Variants in EPHB1 observed in about 807,000 individuals in gnomAD.
The protein encoded by EPHB1 is EPH receptor B1.
EPHB1 carries 30 observed loss-of-function variants against 94.4 expected under a neutral mutation model. The ratio of observed to expected loss-of-function variants is 0.32; its 90% CI spans 0.24 to 0.43. The LOEUF (loss-of-function observed/expected upper bound fraction) is 0.43. Among genes scored for constraint, EPHB1 ranks in the 20% least tolerant of loss-of-function variants. The probability of loss-of-function intolerance (pLI) is 1.00; values close to 1 mark genes in which losing one functional copy is unlikely to be tolerated. For synonymous variants in EPHB1, 522 were observed against 489.1 expected (o/e 1.07, Z -0.89); for missense variants, 1,055 against 1,308.3 (o/e 0.81, Z 2.99).
intron 3 of EPHB1, among the ~76,000 whole-genome samples, chr3:134,967,960 C>T (rs1036299582): frequency 6.6e-6 from 1 of 152,294 alleles, no homozygotes; most frequent in Non-Finnish European, 1.5e-5. Flanking sequence ...TTCCCTGAAC[C>T]CTCAGTGCAG....
intron 3 of EPHB1, among the ~76,000 whole-genome samples, chr3:135,098,165 G>T (rs1938877971): frequency 6.6e-6 from 1 of 152,134 alleles, no homozygotes; most frequent in South Asian, 2.1e-4. Context: ...GGAATTGGAG[G>T]TTGTCATTCA....
intron 4 of EPHB1, among the ~76,000 whole-genome samples, chr3:135,111,688 C>CT (rs1347128989): frequency 4.1e-4 from 62 of 151,986 alleles, no homozygotes; most frequent in African/African-American, 1.3e-3. Flanking sequence ...CATTTTCACT[C>CT]TTTTTTTTTG....
chr3:134,873,167 AAAGG>A (rs1377667122), intron 1 of EPHB1, among the ~76,000 whole-genome samples: 1 of 152,214 alleles, frequency 6.6e-6, no homozygotes, highest in African/African-American at 2.4e-5. Flanking sequence ...CAAGAGAGAA[AAAGG>A]AAGGAGGGAG....
Position 135,254,629 on chromosome 3 carries a change from A to C in EPHB1, c.2847-4383A>C, listed in dbSNP as rs1334679912. Among the ~76,000 whole-genome samples the C allele has an allele frequency of 4.6e-5, 7 of 152,288 alleles. No homozygotes were observed. In the East Asian group the frequency reaches 1.4e-3, roughly 29 times the overall value. ...GATTCGGTTTGCCAGTATTTTATTG[A>C]AGATTTTAGCATCAATGTTCATCAG... On this transcript the variant is annotated intron_variant, in intron 15 of 15. Transcript: ENST00000398015.
chr3:135,071,205 C>T (rs1390548388), intron 3 of EPHB1, among the ~76,000 whole-genome samples: 3 of 152,210 alleles, frequency 2.0e-5, no homozygotes, highest in African/African-American at 7.2e-5. Context: ...ACTAAGGAGA[C>T]CCAGGTTCCA....
chr3:134,827,573 G>A (rs1487978545), intron 1 of EPHB1, among the ~76,000 whole-genome samples: 1 of 152,338 alleles, frequency 6.6e-6, no homozygotes, highest in Non-Finnish European at 1.5e-5. Flanking sequence ...CAGAAACAGG[G>A]AGACTAATTT....
chr3:134,833,373 T>C (rs1348174720), intron 1 of EPHB1, among the ~76,000 whole-genome samples: 3 of 152,178 alleles, frequency 2.0e-5, no homozygotes, highest in Non-Finnish European at 2.9e-5. Context: ...TGTGAGTGGG[T>C]GAGCTGTGTC....
At chr3:134,836,632 T>G (rs1238571737) in intron 1 of EPHB1, among the ~76,000 whole-genome samples, 1 of 152,234 alleles carries the variant, frequency 6.6e-6, no homozygotes, top group Admixed American at 6.5e-5. Flanking sequence ...ATATTATGAA[T>G]ATTTACATTC....
At chr3:134,983,094 G>T (rs1934468245) in intron 3 of EPHB1, among the ~76,000 whole-genome samples, 1 of 152,198 alleles carries the variant, frequency 6.6e-6, no homozygotes, top group African/African-American at 2.4e-5. Flanking sequence ...CTAGATTCAT[G>T]TAATAATGCA....
chr3:135,083,497 G>T (rs923639876), intron 3 of EPHB1, among the ~76,000 whole-genome samples: 1 of 151,990 alleles, frequency 6.6e-6, no homozygotes, highest in Non-Finnish European at 1.5e-5. Context: ...CACAGGAAAA[G>T]TCCAATAGAC....
intron 3 of EPHB1, among the ~76,000 whole-genome samples, chr3:135,066,609 A>AT (rs1290186501): frequency 6.6e-6 from 1 of 151,786 alleles, no homozygotes; most frequent in Non-Finnish European, 1.5e-5. Flanking sequence ...TTCTTGTATC[A>AT]TTTTTTGGAT....
chr3:134,849,025 G>A (rs769418527), intron 1 of EPHB1, among the ~76,000 whole-genome samples: 6 of 152,240 alleles, frequency 3.9e-5, no homozygotes, highest in Admixed American at 6.5e-5. Context: ...CGCACAAGGC[G>A]GGAGCCTGAG....
intron 3 of EPHB1, among the ~76,000 whole-genome samples, chr3:135,051,780 C>CT (rs1937176329): frequency 6.6e-6 from 1 of 152,112 alleles, no homozygotes; most frequent in Admixed American, 6.5e-5. Flanking sequence ...GGAAGTTAAA[C>CT]GGCAGAGAAG....
At chr3:135,000,407 G>A (rs564342193) in intron 3 of EPHB1, among the ~76,000 whole-genome samples, 10 of 152,306 alleles carry the variant, frequency 6.6e-5, no homozygotes, top group Admixed American at 6.5e-4. Flanking sequence ...ATCATTCCAT[G>A]GGGGAAATAG....
chr3:134,857,082 G>A (rs566039190), intron 1 of EPHB1, among the ~76,000 whole-genome samples: 122 of 152,304 alleles, frequency 8.0e-4, no homozygotes, highest in Non-Finnish European at 1.0e-3. Flanking sequence ...GTGGGGTGTC[G>A]TGGAAAGGGC....
At chr3:134,910,053 C>A (rs1316974801) in intron 1 of EPHB1, among the ~76,000 whole-genome samples, 1 of 152,216 alleles carries the variant, frequency 6.6e-6, no homozygotes. Flanking sequence ...GGCCTCTCTT[C>A]AGTCTCAGTT....
chr3:135,011,073 C>T (rs1935603332), intron 3 of EPHB1, among the ~76,000 whole-genome samples: 1 of 152,182 alleles, frequency 6.6e-6, no homozygotes, highest in Non-Finnish European at 1.5e-5. Context: ...TTTGAGAATG[C>T]TTGAATCTTC....
chr3:135,033,123 C>T (rs946672172), intron 3 of EPHB1, among the ~76,000 whole-genome samples: 1 of 152,170 alleles, frequency 6.6e-6, no homozygotes, highest in African/African-American at 2.4e-5. Context: ...GCAGTGACCA[C>T]CGTAATAACT....
In EPHB1 at chr3:134,951,931, C is replaced by T. The variant is rs201770786; in HGVS notation, c.684C>T (p.Asn228=). 601 of 1,613,910 alleles carry T rather than the reference C, an allele frequency of 3.7e-4. 2 individuals carry two copies. The highest frequency in any genetic ancestry group is 4.7e-4 in the Non-Finnish European group (553 of 1,179,910). ...TTGCTCGGGGCACATGCATCCCCAA[C>T]GCAGAGGAAGTGGACGTGCCCATCA... The part of the protein sequence containing the change: ...LVIARGTCIP[N]AEEVDVPIKL... The change falls in exon 3 of 16, where the codon AAC becomes AAT. Residue 228 remains asparagine (N), a synonymous_variant. Transcript: ENST00000398015. The surrounding 1 kb of genome is among the most constrained non-coding windows in gnomAD (Gnocchi z 4.5).
Sources: allele counts gnomAD v4.1 joint callset (sites outside exome capture counted in the v4.1 genomes callset), GRCh38; gene constraint gnomAD v4.1.1; non-coding constraint Gnocchi (gnomAD v3.1); transcripts MANE v1.5; gene names NCBI Gene and HGNC (gene_info 2026-07-23, HGNC 2026-07-21).